The following LPIN1 variants were observed in gnomAD, a reference collection of about 807,000 sequenced individuals.
LPIN1 encodes phosphatidate phosphatase LPIN1.
Under a neutral mutation model 107.5 loss-of-function variants are expected in LPIN1, and 71 were observed. The ratio of observed to expected loss-of-function variants is 0.66; its 90% CI spans 0.55 to 0.80. The LOEUF is 0.80. Among genes scored for constraint, LPIN1 ranks in the 30% least tolerant of loss-of-function variants. The probability of loss-of-function intolerance (pLI) is 0.00; values close to 1 mark genes in which losing one functional copy is unlikely to be tolerated. For synonymous variants in LPIN1, 445 were observed against 452.6 expected, an observed-to-expected ratio of 0.98 and a Z score of 0.21; for missense variants, 1,043 against 1,160.6, an observed-to-expected ratio of 0.90 and a Z score of 1.47.
rs377362691 is a variant in LPIN1, at chr2:11,824,657, G to A, written c.2647G>A (p.Asp883Asn). The A allele has an allele frequency of 3.1e-6, 5 of 1,613,952 alleles. No individual in the cohort carries two copies. The highest frequency in any genetic ancestry group is 3.3e-5 in the Admixed American group (2 of 59,992). Residue 883 changes from aspartate (D) to asparagine (N), a missense_variant, in exon 21 of 21, where the codon GAC becomes AAC. Coordinates refer to ENST00000674199, the MANE Select transcript of LPIN1 (RefSeq NM_001349206.2). ...GTATGTGAGACTCTGTGAAGTAGTCGACCACGTTTTCCCGTTGCTGAAAAG... is the reference window on the plus strand; with the variant it reads ...GTATGTGAGACTCTGTGAAGTAGTCAACCACGTTTTCCCGTTGCTGAAAAG... ...SSYVRLCEVV[D>N]HVFPLLKRSH...
intron 18 of LPIN1, chr2:11,818,458 T>TA (rs969996227): frequency 6.6e-6 from 1 of 152,206 alleles, no homozygotes; most frequent in African/African-American, 2.4e-5. Flanking sequence ...TTTACACAAT[T>TA]ACCTTTTCTG....
chr2:11,807,089 A>G (rs539067424), intron 17 of LPIN1, among the ~76,000 whole-genome samples: 83 of 152,320 alleles, frequency 5.4e-4, no homozygotes, highest in African/African-American at 2.0e-3. Context: ...GACAATGCTT[A>G]TGATATATAA....
In LPIN1 at chr2:11,766,766, AAC is replaced by A. The variant is rs534611839; in HGVS notation, c.193-993_193-992del. On this transcript the variant is annotated intron_variant, in intron 2 of 20. Coordinates refer to ENST00000674199, the MANE Select transcript of LPIN1 (RefSeq NM_001349206.2). The stretch of plus-strand genomic sequence containing the variant: ...CTGGGCTCTTATCAGGCAAAAAACA[AAC>A]ACAAACAAACAAACAAACAAACAAA... Among the ~76,000 whole-genome samples the A allele has an allele frequency of 6.5e-3, 512 of 78,728 alleles. 1 individual carries two copies. The African/African-American group carries it at 0.066, about 10-fold the overall frequency. The allele number at this position is 78,728 out of a possible 152,430, so 51.6% of individuals were successfully genotyped here.
At chr2:11,695,971 G>T (rs1018547455) in intron 1 of LPIN1, among the ~76,000 whole-genome samples, 1 of 151,430 alleles carries the variant, frequency 6.6e-6, no homozygotes, top group African/African-American at 2.4e-5. Context: ...CTACCCAGTG[G>T]CCAGGCCCTT....
At chr2:11,792,275 G>C in intron 13 of LPIN1, 1 of 358,592 alleles carries the variant, frequency 2.8e-6, no homozygotes, top group Non-Finnish European at 5.2e-6. Flanking sequence ...GTAAGATTTC[G>C]TCATCTATAA....
In LPIN1 at chr2:11,786,362, G is replaced by A. The variant is rs1674577085; in HGVS notation, c.1550-712G>A. ...AGCTCCCAGGGAAGGAGTGGGCGTG[G>A]CTCTGGGCCAGGGAGATGGTCAGAA... On this transcript the variant is annotated intron_variant, in intron 10 of 20. Coordinates refer to ENST00000674199, the MANE Select transcript of LPIN1 (RefSeq NM_001349206.2). This position sits in a 1 kb window ranked among gnomAD's most constrained non-coding sequence, Gnocchi z 4.1. 6.6e-6 allele frequency among the ~76,000 whole-genome samples: 1 copy of A among 152,146 alleles called. No homozygotes were observed.
intron 1 of LPIN1, among the ~76,000 whole-genome samples, chr2:11,757,142 G>C (rs990012260): frequency 2.0e-5 from 3 of 152,224 alleles, no homozygotes; most frequent in African/African-American, 7.2e-5. Context: ...TGAGATTAAA[G>C]TCAGTAGGTT....
chr2:11,731,542 C>A (rs1196708571), intron 1 of LPIN1, among the ~76,000 whole-genome samples: 1 of 152,156 alleles, frequency 6.6e-6, no homozygotes, highest in African/African-American at 2.4e-5. Flanking sequence ...CATACATGTG[C>A]ATGTGTCTTT....
chr2:11,738,684 A>C (rs1478074365), intron 1 of LPIN1, among the ~76,000 whole-genome samples: 8 of 152,204 alleles, frequency 5.3e-5, no homozygotes, highest in Non-Finnish European at 1.5e-5. Context: ...CAGGAGAGGG[A>C]GCCCAAACAG....
upstream of LPIN1, among the ~76,000 whole-genome samples, chr2:11,744,440 G>T (rs1032828665): frequency 2.0e-5 from 3 of 152,174 alleles, no homozygotes; most frequent in Non-Finnish European, 4.4e-5. Context: ...TATACAAAAG[G>T]CTCCCCCCAA....
intron 1 of LPIN1, among the ~76,000 whole-genome samples, chr2:11,726,009 A>G (rs929009494): frequency 6.6e-6 from 1 of 152,158 alleles, no homozygotes; most frequent in Non-Finnish European, 1.5e-5. Context: ...GGTGACTGGC[A>G]GCGTTATTGC....
chr2:11,771,504 G>A lies in LPIN1; in HGVS notation c.421G>A (p.Ala141Thr), dbSNP rs747531487. Residue 141 changes from alanine (A) to threonine (T), a missense_variant, in exon 4 of 21, where the codon GCT becomes ACT. Coordinates refer to ENST00000674199, the MANE Select transcript of LPIN1 (RefSeq NM_001349206.2). This position sits in a 1 kb window ranked among gnomAD's most constrained non-coding sequence, Gnocchi z 4.8. Reference sequence around the variant, plus strand: ...CCCCAGCACGCCAGCCCAAGTGATCGCTCCCAGCGAGACGCCGTCAAGCAG... The same window carrying A: ...CCCCAGCACGCCAGCCCAAGTGATCACTCCCAGCGAGACGCCGTCAAGCAG... Reference protein sequence around the residue: ...LDPSTPAQVIAPSETPSSSSV... With the variant: ...LDPSTPAQVITPSETPSSSSV... The A allele has an allele frequency of 1.1e-5, 18 of 1,614,056 alleles. No homozygotes were observed. The highest frequency in any genetic ancestry group is 6.7e-5 in the East Asian group (3 of 44,888).
At chr2:11,739,445 AACT>A (rs1054138253) in intron 1 of LPIN1, among the ~76,000 whole-genome samples, 2 of 152,238 alleles carry the variant, frequency 1.3e-5, no homozygotes, top group African/African-American at 4.8e-5. Context: ...ATGCAACAAA[AACT>A]ACATTTCCAT....
At chr2:11,718,220 G>T (rs960264895) in intron 2 of LPIN1, among the ~76,000 whole-genome samples, 3 of 152,068 alleles carry the variant, frequency 2.0e-5, no homozygotes, top group Non-Finnish European at 1.5e-5. Flanking sequence ...CTCAGGAAAA[G>T]GGGGTCAGGA....
At chr2:11,752,269 G>A (rs1194670021) in intron 1 of LPIN1, among the ~76,000 whole-genome samples, 5 of 152,044 alleles carry the variant, frequency 3.3e-5, no homozygotes, top group African/African-American at 1.2e-4. Context: ...CATGGGCCCT[G>A]GGGTTTTAAT....
intron 16 of LPIN1, among the ~76,000 whole-genome samples, 188 bp from the exon 17 acceptor site, chr2:11,804,882 G>A (rs1376227030): frequency 6.6e-6 from 1 of 152,022 alleles, no homozygotes; most frequent in Non-Finnish European, 1.5e-5. Context: ...TCAGACTGGA[G>A]GCGTCCTTCT....
At chr2:11,768,884 C>T (rs1008872482) in intron 3 of LPIN1, among the ~76,000 whole-genome samples, 1 of 151,900 alleles carries the variant, frequency 6.6e-6, no homozygotes, top group East Asian at 1.9e-4. Flanking sequence ...TGCAGTGAGC[C>T]GAGATCGCGC....
At chr2:11,752,408 T>TTTTC (rs1456454675) in intron 1 of LPIN1, among the ~76,000 whole-genome samples, 1 of 150,894 alleles carries the variant, frequency 6.6e-6, no homozygotes, top group African/African-American at 2.5e-5. Flanking sequence ...TTTGTCCATT[T>TTTTC]TTTCTTTTGA....
chr2:11,731,831 T>TTG (rs903036001), intron 1 of LPIN1, among the ~76,000 whole-genome samples: 2 of 23,006 alleles, frequency 8.7e-5, no homozygotes, highest in African/African-American at 9.2e-4. Context: ...TGATGATGAG[T>TTG]TTTTTTTTTT....
Sources: gnomAD v4.1 joint callset for allele counts (sites outside exome capture counted in the v4.1 genomes callset) on GRCh38, gnomAD v4.1.1 for gene constraint, Gnocchi (gnomAD v3.1) non-coding constraint, MANE v1.5 for transcripts, NCBI Gene and HGNC (gene_info 2026-07-23, HGNC 2026-07-21) for gene names.